Variants in HOMEZ observed in about 807,000 individuals in gnomAD.
HOMEZ encodes homeobox and leucine zipper protein Homez.
HOMEZ carries 20 observed loss-of-function variants against 50.1 expected under a neutral mutation model. The ratio of observed to expected loss-of-function variants is 0.40; its 90% confidence interval spans 0.28 to 0.58. The LOEUF is 0.58. Among genes scored for constraint, HOMEZ ranks in the 20% least tolerant of loss-of-function variants. The pLI is 0.46. For missense variants in HOMEZ, 579 were observed against 680.5 expected (o/e 0.85, Z 1.66); for synonymous variants, 239 against 254.7 (o/e 0.94, Z 0.59).
In HOMEZ at chr14:23,275,428, T is replaced by C; in HGVS notation, c.*147A>G. 4.0e-6 allele frequency: 4 copies of C among 1,011,018 alleles called. No homozygotes were observed. Among genetic ancestry groups the C allele is most frequent in the African/African-American group, 1.6e-5 (1 of 61,302 alleles). 62.6% of individuals were successfully genotyped at this position (1,011,018 alleles called of 1,614,324 possible). ...GTCATTCTCCCTGGTCCACCCTCAC[T>C]ATATCCCCCTGCCACCCACCCTGAA... is the stretch of plus-strand genomic sequence containing the variant. On this transcript the variant is annotated 3_prime_UTR_variant, in exon 2 of 2. Coordinates refer to ENST00000357460, the MANE Select transcript of HOMEZ (RefSeq NM_020834.3).
At chr14:23,277,287 C>A in intron 1 of HOMEZ, 100 bp from the exon 2 acceptor site, 1 of 1,126,812 alleles carries the variant, frequency 8.9e-7, no homozygotes, top group Non-Finnish European at 1.2e-6. Context: ...ACAATTTAAT[C>A]TGTATTTGTA....
chr14:23,281,153 A>G (rs1290125354), intron 1 of HOMEZ, among the ~76,000 whole-genome samples: 1 of 152,152 alleles, frequency 6.6e-6, no homozygotes, highest in African/African-American at 2.4e-5. Context: ...TGAATTGCAA[A>G]AATAAACCTC....
In HOMEZ at chr14:23,283,176, A is replaced by G. The variant is rs542813114; in HGVS notation, c.40+2737T>C. On this transcript the variant is annotated intron_variant, in intron 1 of 1. Coordinates refer to ENST00000357460, the MANE Select transcript of HOMEZ (RefSeq NM_020834.3). ...GTGGTGGTGAATATCTATTCTGAAC[A>G]ACTTCTAAATTTGTATCCTTATTAA... Among the ~76,000 whole-genome samples the G allele has an allele frequency of 2.6e-5, 4 of 152,268 alleles. No homozygotes were observed. In the South Asian group the frequency reaches 8.3e-4, roughly 32 times the overall value.
At position 23,273,151 on chromosome 14, in the gene HOMEZ, A is replaced by G; in HGVS notation, c.*2424T>C. 1 of 296,456 alleles carries G rather than the reference A, an allele frequency of 3.4e-6. No individual in the cohort carries two copies. The highest frequency in any genetic ancestry group is 6.0e-5 in the East Asian group (1 of 16,640). The allele number at this position is 296,456 out of a possible 1,614,324, so 18.4% of individuals were successfully genotyped here. A position where few individuals can be genotyped will look rare whatever the true frequency, so the allele number is the denominator to read the frequency against. ...CTGGTAGCTCCCCTCATTTCCTACA[A>G]TTTGGAACAAAGGTCAAAAAAATAA... is the stretch of plus-strand genomic sequence containing the variant. On this transcript the variant is annotated 3_prime_UTR_variant, in exon 2 of 2. Coordinates refer to ENST00000357460, the MANE Select transcript of HOMEZ (RefSeq NM_020834.3).
In HOMEZ at chr14:23,276,038, C is replaced by A; in HGVS notation, c.1190G>T (p.Arg397Leu). 6.2e-7 allele frequency: 1 copy of A among 1,613,802 alleles called. No individual in the cohort carries two copies. Among genetic ancestry groups the A allele is most frequent in the Non-Finnish European group, 8.5e-7 (1 of 1,179,794 alleles). Residue 397 changes from arginine (R) to leucine (L), a missense_variant, in exon 2 of 2, where the codon CGG becomes CTG. Transcript: ENST00000357460. The surrounding 1 kb of genome is among the most constrained non-coding windows in gnomAD (Gnocchi z 4.1). ...QKLEQITGLP[R>L]PEIIQWFGDT... ...ACCAAACCACTGAATGATCTCAGGCCGAGGTAAACCAGTGATCTGTTCTAA... is the reference window on the plus strand; with the variant it reads ...ACCAAACCACTGAATGATCTCAGGCAGAGGTAAACCAGTGATCTGTTCTAA...
At chr14:23,280,757 T>A (rs534558215) in intron 1 of HOMEZ, among the ~76,000 whole-genome samples, 35 of 118,994 alleles carry the variant, frequency 2.9e-4, no homozygotes, top group African/African-American at 9.7e-4. Context: ...TATTTTATTT[T>A]ATTTTATTTT....
chr14:23,283,514 TTC>T (rs1413701673), intron 1 of HOMEZ, among the ~76,000 whole-genome samples: 1 of 152,232 alleles, frequency 6.6e-6, no homozygotes, highest in Admixed American at 6.5e-5. Flanking sequence ...AACTTCCAGT[TTC>T]TGTGTTTACA....
intron 1 of HOMEZ, among the ~76,000 whole-genome samples, chr14:23,280,226 T>A (rs1299201206): frequency 6.6e-6 from 1 of 152,034 alleles, no homozygotes; most frequent in African/African-American, 2.4e-5. Flanking sequence ...CCCTAACCCT[T>A]TAGGTCATGT....
chr14:23,277,331 TTTC>T (rs1246312737), intron 1 of HOMEZ, 144 bp from the exon 2 acceptor site: 39 of 790,538 alleles, frequency 4.9e-5, no homozygotes, highest in Admixed American at 2.6e-4. Context: ...GCCTCAACAA[TTTC>T]TTATTTAATT....
At chr14:23,279,545 G>A (rs1033214992) in intron 1 of HOMEZ, among the ~76,000 whole-genome samples, 2 of 152,178 alleles carry the variant, frequency 1.3e-5, no homozygotes, top group Admixed American at 6.5e-5. Flanking sequence ...GCAGGTAATC[G>A]GAATGAGTCA....
chr14:23,275,481 A>G lies in HOMEZ; in HGVS notation c.*94T>C. 1 of 1,447,670 alleles carries G rather than the reference A, an allele frequency of 6.9e-7. No individual in the cohort carries two copies. Among genetic ancestry groups the G allele is most frequent in the Non-Finnish European group, 9.2e-7 (1 of 1,092,542 alleles). 89.7% of individuals were successfully genotyped at this position (1,447,670 alleles called of 1,614,324 possible). Reference sequence around the variant, plus strand: ...ACACAAAGCTTTTTAGTTCTCTGCCACAAGGTAATTTTAAAAATGTGGTTT... The same window carrying G: ...ACACAAAGCTTTTTAGTTCTCTGCCGCAAGGTAATTTTAAAAATGTGGTTT... On this transcript the variant is annotated 3_prime_UTR_variant, in exon 2 of 2. Coordinates refer to ENST00000357460, the MANE Select transcript of HOMEZ (RefSeq NM_020834.3).
Position 23,286,061 on chromosome 14 carries a change from G to A in HOMEZ, c.-109C>T, listed in dbSNP as rs1305871479. On this transcript the variant is annotated 5_prime_UTR_variant, in exon 1 of 2. Coordinates refer to ENST00000357460, the MANE Select transcript of HOMEZ (RefSeq NM_020834.3). Reference sequence around the variant, plus strand: ...CCCAGCGATGGCCGAAACCGGGACTGCCCCCCCCACCGTCCCCGGGAGCGC... The same window carrying A: ...CCCAGCGATGGCCGAAACCGGGACTACCCCCCCCACCGTCCCCGGGAGCGC... 2.5e-6 allele frequency: 3 copies of A among 1,224,196 alleles called. No individual in the cohort carries two copies. The highest frequency in any genetic ancestry group is 3.2e-5 in the East Asian group (1 of 31,396). The allele number at this position is 1,224,196 out of a possible 1,614,324, so 75.8% of individuals were successfully genotyped here.
Position 23,285,647 on chromosome 14 carries a change from C to A in HOMEZ, c.40+266G>T, listed in dbSNP as rs1331920450. On this transcript the variant is annotated intron_variant, in intron 1 of 1. Coordinates refer to ENST00000357460, the MANE Select transcript of HOMEZ (RefSeq NM_020834.3). ...GAACAAAAAGTTATTGCACTTGGGA[C>A]GATAAGCCCCATGAGGCAGGCGAAT... The A allele has an allele frequency of 7.6e-5, 29 of 379,366 alleles. No homozygotes were observed. In the Admixed American group the frequency reaches 1.3e-3, roughly 17 times the overall value. 23.5% of individuals were successfully genotyped at this position (379,366 alleles called of 1,614,324 possible).
Position 23,277,104 on chromosome 14 carries a change from T to G in HOMEZ, c.124A>C (p.Ile42Leu), listed in dbSNP as rs778059027. 3 of 1,614,004 alleles carry G rather than the reference T, an allele frequency of 1.9e-6. No homozygotes were observed. The highest frequency in any genetic ancestry group is 2.5e-6 in the Non-Finnish European group (3 of 1,179,874). The change falls in exon 2 of 2, where the codon ATC (isoleucine) becomes CTC (leucine). Residue 42 changes from isoleucine to leucine, a missense_variant. Coordinates refer to ENST00000357460, the MANE Select transcript of HOMEZ (RefSeq NM_020834.3). ...SGLSSSPAGL[I>L]CLPPISEELQ... ...TCCTCAGAGATTGGAGGGAGGCAGATGAGCCCCGCTGGTGAACTACTGAGA... is the reference window on the plus strand; with the variant it reads ...TCCTCAGAGATTGGAGGGAGGCAGAGGAGCCCCGCTGGTGAACTACTGAGA...
intron 1 of HOMEZ, among the ~76,000 whole-genome samples, chr14:23,280,768 A>ATTTTCTTTTCTTTTC (rs1231985494): frequency 4.3e-5 from 4 of 93,720 alleles, no homozygotes; most frequent in Non-Finnish European, 9.5e-5. Flanking sequence ...ATTTTATTTT[A>ATTTTCTTTTCTTTTC]TTTTATTTTA....
intron 1 of HOMEZ, among the ~76,000 whole-genome samples, chr14:23,280,709 A>ATTTTATTTTTGTATATT (rs1594964856): frequency 4.0e-5 from 2 of 49,800 alleles, no homozygotes; most frequent in Non-Finnish European, 9.7e-5. Context: ...TTATATTTTT[A>ATTTTATTTTTGTATATT]TTTTTATTTT....
At chr14:23,285,526 G>A (rs1203785664) in intron 1 of HOMEZ, 2 of 174,138 alleles carry the variant, frequency 1.1e-5, no homozygotes, top group East Asian at 3.0e-4. Context: ...GTAGCCGTGG[G>A]GGTTGGGGGT....
At position 23,277,177 on chromosome 14, in the gene HOMEZ, T is replaced by C. The variant is rs1413161605; in HGVS notation, c.51A>G (p.Glu17=). ...GCATGGTGCCTTCTGATTTGTGCCC[T>C]TCAGAGATAGCTGCAATAAGAAGAC... ...PPPGLDCAIS[E]GHKSEGTMPP... The change falls in exon 2 of 2, where the codon GAA becomes GAG. Residue 17 remains glutamate (E), a synonymous_variant. Coordinates refer to ENST00000357460, the MANE Select transcript of HOMEZ (RefSeq NM_020834.3). 6.4e-7 allele frequency: 1 copy of C among 1,568,918 alleles called. No individual in the cohort carries two copies. Among genetic ancestry groups the C allele is most frequent in the Admixed American group, 1.9e-5 (1 of 51,404 alleles).
Position 23,274,645 on chromosome 14 carries a change from T to A in HOMEZ, c.*930A>T, listed in dbSNP as rs150691699. ...GAAAATAGCCGGGCACGGTGGCTCA[T>A]GCCTATAATCCCAGCACTTTGGGAG... On this transcript the variant is annotated 3_prime_UTR_variant, in exon 2 of 2. Transcript: ENST00000357460. 6.6e-6 allele frequency: 1 copy of A among 152,516 alleles called. No homozygotes were observed. The highest frequency in any genetic ancestry group is 1.9e-4 in the East Asian group (1 of 5,194). 9.4% of individuals were successfully genotyped at this position (152,516 alleles called of 1,614,324 possible).
Sources: gnomAD v4.1 joint callset for allele counts (sites outside exome capture counted in the v4.1 genomes callset) on GRCh38, gnomAD v4.1.1 for gene constraint, Gnocchi (gnomAD v3.1) non-coding constraint, MANE v1.5 for transcripts, NCBI Gene and HGNC (gene_info 2026-07-23, HGNC 2026-07-21) for gene names.